Variants in SHISA9 observed in about 807,000 individuals in gnomAD.
The protein encoded by SHISA9 is shisa family member 9, also known as protein shisa-9.
A neutral mutation model predicts 38.0 loss-of-function variants in SHISA9; 13 were observed. The observed-to-expected ratio is 0.34, with a 90% CI of 0.22 to 0.54. The LOEUF is 0.54. Ranked by LOEUF, SHISA9 falls within the 20% of genes least tolerant of loss-of-function variation. The pLI is 0.91. For synonymous variants in SHISA9, 275 were observed against 242.0 expected (o/e 1.14, Z -1.27); for missense variants, 538 against 575.8 (o/e 0.93, Z 0.67).
At chr16:13,426,365 T>C in the SHISA9 span, among the ~76,000 whole-genome samples, 8 of 152,110 alleles carry the variant, frequency 5.3e-5, no homozygotes, top group Non-Finnish European at 1.2e-4. Context: ...CAGAAAGTGG[T>C]GGAGTCTATT....
intron 2 of SHISA9, among the ~76,000 whole-genome samples, chr16:13,158,953 G>A (rs1457370176): frequency 1.1e-4 from 16 of 149,428 alleles, no homozygotes; most frequent in Non-Finnish European, 2.2e-4. Flanking sequence ...CCAGCTACTC[G>A]CGAGGCTGAG....
chr16:13,303,140 A>G, the SHISA9 span, among the ~76,000 whole-genome samples: 1 of 152,160 alleles, frequency 6.6e-6, no homozygotes, highest in Admixed American at 6.5e-5. Flanking sequence ...CATTTGTGTT[A>G]TTTTCTCCAT....
chr16:13,539,759 C>A, the SHISA9 span, among the ~76,000 whole-genome samples: 1 of 152,108 alleles, frequency 6.6e-6, no homozygotes, highest in African/African-American at 2.4e-5. Context: ...CCACCTTCCA[C>A]CCTCAAGATG....
chr16:13,293,544 A>C, the SHISA9 span, among the ~76,000 whole-genome samples: 2 of 152,218 alleles, frequency 1.3e-5, no homozygotes, highest in Admixed American at 1.3e-4. Context: ...AACCTATTTC[A>C]TAAGGTTGTT....
chr16:13,414,650 C>CTTT, the SHISA9 span, among the ~76,000 whole-genome samples: 38 of 143,242 alleles, frequency 2.7e-4, no homozygotes, highest in Admixed American at 4.3e-4. Flanking sequence ...TTCTTTCTTT[C>CTTT]TTTTTTTTTT....
chr16:13,049,156 A>ATGTG (rs10526925), intron 2 of SHISA9, among the ~76,000 whole-genome samples: 716 of 63,848 alleles, frequency 0.011, 7 homozygotes, highest in East Asian at 0.045. Context: ...GGTTAGGAGT[A>ATGTG]TGTGTGTGTG....
intron 2 of SHISA9, among the ~76,000 whole-genome samples, chr16:13,170,414 G>A (rs1347279383): frequency 6.6e-6 from 1 of 151,998 alleles, no homozygotes. Flanking sequence ...CCCAAGACTG[G>A]GTAATTTATA....
chr16:13,162,435 G>T (rs1033123785), intron 2 of SHISA9, among the ~76,000 whole-genome samples: 1 of 152,186 alleles, frequency 6.6e-6, no homozygotes, highest in Non-Finnish European at 1.5e-5. Context: ...AGTTTGAGGC[G>T]TAGGGATGTT....
At chr16:13,338,390 T>A in the SHISA9 span, among the ~76,000 whole-genome samples, 18 of 152,332 alleles carry the variant, frequency 1.2e-4, no homozygotes, top group Non-Finnish European at 2.5e-4. Flanking sequence ...CATGAATAAT[T>A]GATAACAACA....
intron 2 of SHISA9, among the ~76,000 whole-genome samples, chr16:13,019,838 C>CTT (rs1567183896): frequency 3.5e-4 from 16 of 45,488 alleles, no homozygotes; most frequent in East Asian, 1.5e-3. Context: ...CTTTCTTTTT[C>CTT]CTTCCTTCCC....
In SHISA9 at chr16:13,232,167, G is replaced by A. The variant is rs142635396; in HGVS notation, c.896-2863G>A. 3.4e-3 allele frequency among the ~76,000 whole-genome samples: 514 copies of A among 152,346 alleles called. 3 individuals carry two copies. The highest frequency in any genetic ancestry group is 0.012 in the African/African-American group (491 of 41,578). On this transcript the variant is annotated intron_variant, in intron 4 of 4. Coordinates refer to ENST00000558583, the MANE Select transcript of SHISA9 (RefSeq NM_001145204.3). ...TATGTAAGTTCACATGTGTGACACT[G>A]TGAGATCCCAACGTGTGGATAAAAG...
At chr16:13,020,970 T>A (rs1344736211) in intron 2 of SHISA9, among the ~76,000 whole-genome samples, 1 of 152,210 alleles carries the variant, frequency 6.6e-6, no homozygotes, top group Non-Finnish European at 1.5e-5. Context: ...TGGTGATTGG[T>A]GCTGGGGCAA....
At chr16:12,995,425 C>G (rs1023144222) in intron 2 of SHISA9, among the ~76,000 whole-genome samples, 2 of 152,126 alleles carry the variant, frequency 1.3e-5, no homozygotes, top group Admixed American at 6.5e-5. Context: ...GAGAGGCTGA[C>G]TCAATAGGCA....
At chr16:13,019,755 TTTTCTTTCTTTTC>T (rs1567183721) in intron 2 of SHISA9, among the ~76,000 whole-genome samples, 25 of 149,442 alleles carry the variant, frequency 1.7e-4, no homozygotes, top group Non-Finnish European at 3.0e-4. Flanking sequence ...CCTTCTTTTC[TTTTCTTTCTTTTC>T]TTTCTTTCTT....
intron 2 of SHISA9, among the ~76,000 whole-genome samples, chr16:13,070,009 G>C (rs4781393): frequency 1.3e-5 from 2 of 152,016 alleles, no homozygotes; most frequent in African/African-American, 4.8e-5. Flanking sequence ...GTGTTTTGTC[G>C]TAGCAGCTCA....
rs2051387225 is a variant in SHISA9 at position 13,236,610 on chromosome 16, C to G, written c.*1201C>G. 1 of 152,264 alleles carries G rather than the reference C, an allele frequency of 6.6e-6. No individual in the cohort carries two copies. The highest frequency in any genetic ancestry group is 2.4e-5 in the African/African-American group (1 of 41,426). 9.4% of individuals were successfully genotyped at this position (152,264 alleles called of 1,614,324 possible). A position where few individuals can be genotyped will look rare whatever the true frequency, so the allele number is the denominator to read the frequency against. On this transcript the variant is annotated 3_prime_UTR_variant, in exon 5 of 5. Coordinates refer to ENST00000558583, the MANE Select transcript of SHISA9 (RefSeq NM_001145204.3). ...TGACAGTCTTGTTTCCCAAGTGCAA[C>G]CTGTGTTCTTTTAGCCTTCCTTCCT... is the stretch of plus-strand genomic sequence containing the variant.
intron 2 of SHISA9, among the ~76,000 whole-genome samples, chr16:13,150,070 T>C (rs2142003736): frequency 6.8e-6 from 1 of 146,776 alleles, no homozygotes; most frequent in East Asian, 2.1e-4. Context: ...CCTGTTTTTC[T>C]TAGTTAAAAG....
At chr16:13,170,024 G>A (rs1442846410) in intron 2 of SHISA9, among the ~76,000 whole-genome samples, 4 of 151,998 alleles carry the variant, frequency 2.6e-5, no homozygotes, top group African/African-American at 4.8e-5. Flanking sequence ...CCAACATGGC[G>A]AAACTCTTTC....
At chr16:13,133,636 T>A (rs185367723) in intron 2 of SHISA9, among the ~76,000 whole-genome samples, 1 of 152,212 alleles carries the variant, frequency 6.6e-6, no homozygotes, top group Non-Finnish European at 1.5e-5. Context: ...TCCAGCTGGG[T>A]TGGCTGGTTT....
Sources: allele counts gnomAD v4.1 joint callset (sites outside exome capture counted in the v4.1 genomes callset), GRCh38; gene constraint gnomAD v4.1.1; transcripts MANE v1.5; gene names NCBI Gene and HGNC (gene_info 2026-07-23, HGNC 2026-07-21).